Variants in AEBP2 observed in about 807,000 individuals in gnomAD.
AEBP2 encodes zinc finger protein AEBP2.
AEBP2 carries 10 observed loss-of-function variants against 50.8 expected under a neutral mutation model. That is an observed-to-expected ratio of 0.20 (90% CI 0.12 to 0.33). The LOEUF is 0.33. Among genes scored for constraint, AEBP2 ranks in the 10% least tolerant of loss-of-function variants. The pLI, the probability that AEBP2 is intolerant of heterozygous loss-of-function variation, is 1.00. For synonymous variants in AEBP2, 296 were observed against 261.3 expected (o/e 1.13, Z -1.28); for missense variants, 570 against 688.0 (o/e 0.83, Z 1.92).
Position 19,506,649 on chromosome 12 carries a change from A to G in AEBP2, c.1300-5749A>G, listed in dbSNP as rs1344726723. The stretch of plus-strand genomic sequence containing the variant: ...AAACCTACTGTTGTTCTTTTCCCTC[A>G]TGCAGGCTTTAACATGTTCACTTTG... On this transcript the variant is annotated intron_variant, in intron 5 of 7. Coordinates refer to ENST00000266508, the MANE Select transcript of AEBP2 (RefSeq NM_153207.5). 6.6e-5 allele frequency among the ~76,000 whole-genome samples: 10 copies of G among 152,252 alleles called. No individual in the cohort carries two copies. The East Asian group carries it at 1.7e-3, about 26-fold the overall frequency.
chr12:19,415,316 C>CAAAA (rs869125193), intron 1 of AEBP2, among the ~76,000 whole-genome samples: 1 of 59,546 alleles, frequency 1.7e-5, no homozygotes, highest in Non-Finnish European at 2.6e-5. Flanking sequence ...GACCCTGTCT[C>CAAAA]AAAAAAAAAA....
At chr12:19,514,084 C>CT (rs1949282529) in intron 6 of AEBP2, among the ~76,000 whole-genome samples, 1 of 151,888 alleles carries the variant, frequency 6.6e-6, no homozygotes. Context: ...ACTGCAACCT[C>CT]TGTCTCCTGG....
At chr12:19,449,601 A>G (rs1261715547) in intron 1 of AEBP2, among the ~76,000 whole-genome samples, 1 of 152,240 alleles carries the variant, frequency 6.6e-6, no homozygotes, top group Non-Finnish European at 1.5e-5. Flanking sequence ...TCTTCAGGAA[A>G]GAAAATCGTT....
intron 1 of AEBP2, among the ~76,000 whole-genome samples, chr12:19,408,443 G>A (rs2095737500): frequency 6.6e-6 from 1 of 151,618 alleles, no homozygotes; most frequent in Non-Finnish European, 1.5e-5. Flanking sequence ...TAGTTACTTG[G>A]GAGGCTGAGA....
chr12:19,511,664 G>T (rs549669846), intron 5 of AEBP2, among the ~76,000 whole-genome samples: 1 of 152,280 alleles, frequency 6.6e-6, no homozygotes, highest in Non-Finnish European at 1.5e-5. Context: ...TGGATGGAGA[G>T]AATGGGTATT....
chr12:19,499,938 A>G (rs1187337542), intron 4 of AEBP2, among the ~76,000 whole-genome samples, 159 bp from the exon 5 acceptor site: 1 of 152,198 alleles, frequency 6.6e-6, no homozygotes, highest in Non-Finnish European at 1.5e-5. Flanking sequence ...ATGCTTTTGC[A>G]TATTAGTCTT....
intron 1 of AEBP2, among the ~76,000 whole-genome samples, chr12:19,449,516 A>T (rs57473892): frequency 6.6e-6 from 1 of 152,210 alleles, no homozygotes; most frequent in Non-Finnish European, 1.5e-5. Flanking sequence ...AATGTAGCCT[A>T]CTTGTTTTCC....
chr12:19,511,805 T>A (rs1446343456), intron 5 of AEBP2, among the ~76,000 whole-genome samples: 1 of 152,184 alleles, frequency 6.6e-6, no homozygotes, highest in East Asian at 1.9e-4. Flanking sequence ...TAGGTTTTTT[T>A]TTTTAGGATA....
intron 3 of AEBP2, among the ~76,000 whole-genome samples, chr12:19,479,205 A>T (rs1555185221): frequency 6.6e-6 from 1 of 152,198 alleles, no homozygotes; most frequent in Non-Finnish European, 1.5e-5. Context: ...CTCAAAAAAA[A>T]GTATATTCTG....
chr12:19,507,744 G>A (rs756023960), intron 5 of AEBP2, among the ~76,000 whole-genome samples: 3 of 152,164 alleles, frequency 2.0e-5, no homozygotes, highest in Non-Finnish European at 2.9e-5. Context: ...AGAAAGGAAA[G>A]GAGCTAGGTG....
chr12:19,405,200 G>T (rs2095735555), intron 1 of AEBP2, among the ~76,000 whole-genome samples: 1 of 151,812 alleles, frequency 6.6e-6, no homozygotes, highest in South Asian at 2.1e-4. Flanking sequence ...AAGTGCTGGG[G>T]TTACAGGCGT....
chr12:19,488,287 T>C (rs1408404288), intron 3 of AEBP2, among the ~76,000 whole-genome samples: 2 of 149,030 alleles, frequency 1.3e-5, no homozygotes, highest in Non-Finnish European at 3.0e-5. Flanking sequence ...GGCTAATTTT[T>C]GTATTTTTTT....
At position 19,500,091 on chromosome 12, in the gene AEBP2, T is replaced by C; in HGVS notation, c.1175-6T>C. 2.5e-6 allele frequency: 4 copies of C among 1,601,670 alleles called. No homozygotes were observed. The South Asian group carries it at 3.4e-5, about 14-fold the overall frequency. ...AATATTCTTTACTTTTTATGTTGAC[T>C]TTTAGCACGGCCACATGATTTCTTC... On this transcript the variant is annotated splice_polypyrimidine_tract_variant and splice_region_variant and intron_variant, in intron 4 of 7. Transcript: ENST00000266508.
At chr12:19,500,683 G>A (rs147496416) in intron 5 of AEBP2, among the ~76,000 whole-genome samples, 1 of 152,220 alleles carries the variant, frequency 6.6e-6, no homozygotes, top group East Asian at 1.9e-4. Flanking sequence ...GATTATATTT[G>A]CTATCAGAGC....
At chr12:19,434,353 A>G (rs2095753144) in intron 1 of AEBP2, among the ~76,000 whole-genome samples, 1 of 151,684 alleles carries the variant, frequency 6.6e-6, no homozygotes, top group South Asian at 2.1e-4. Flanking sequence ...TTGTATTTGT[A>G]GTAGAAATGG....
chr12:19,425,882 T>C lies in AEBP2; in HGVS notation c.-17+21666T>C, dbSNP rs574009919. On this transcript the variant is annotated intron_variant, in intron 1 of 3. Coordinates refer to the AEBP2 transcript ENST00000538425. ...TTTGCATGAACAGCAAATTTTGTTA[T>C]CTGATATCTTAGGATGCTTTCTGAT... 2.0e-5 allele frequency among the ~76,000 whole-genome samples: 3 copies of C among 152,192 alleles called. No homozygotes were observed. The South Asian group carries it at 6.2e-4, about 32-fold the overall frequency.
intron 1 of AEBP2, among the ~76,000 whole-genome samples, chr12:19,406,742 C>A (rs2095736516): frequency 6.6e-6 from 1 of 151,964 alleles, no homozygotes. Context: ...ACGGATCTTG[C>A]CTTTGGTGTT....
At chr12:19,440,562 T>C in intron 1 of AEBP2, 192 bp downstream of exon 1, 1 of 1,399,852 alleles carries the variant, frequency 7.1e-7, no homozygotes. Flanking sequence ...GGCTTCCAAC[T>C]CTCAAACCGT....
chr12:19,443,738 A>T (rs1948007059), intron 1 of AEBP2, among the ~76,000 whole-genome samples: 1 of 152,130 alleles, frequency 6.6e-6, no homozygotes, highest in Non-Finnish European at 1.5e-5. Context: ...AAGATAATTA[A>T]ATATAAAGAC....
Sources: allele counts gnomAD v4.1 joint callset (sites outside exome capture counted in the v4.1 genomes callset), GRCh38; gene constraint gnomAD v4.1.1; transcripts MANE v1.5; gene names NCBI Gene and HGNC (gene_info 2026-07-23, HGNC 2026-07-21).